The following PAPPA2 variants were observed in gnomAD, a reference collection of about 807,000 sequenced individuals.
The protein encoded by PAPPA2 is pappalysin-2.
PAPPA2 carries 86 observed loss-of-function variants against 176.4 expected under a neutral mutation model. That is an observed-to-expected ratio of 0.49 (90% CI 0.41 to 0.58). PAPPA2 has a LOEUF of 0.58. PAPPA2 is among the 20% of genes least tolerant of loss of function. PAPPA2 has a pLI of 0.00. For missense variants in PAPPA2, 2,073 were observed against 2,256.9 expected, an observed-to-expected ratio of 0.92 and a Z score of 1.65; for synonymous variants, 809 against 852.2, an observed-to-expected ratio of 0.95 and a Z score of 0.88.
rs1441318812 is a variant in PAPPA2, at chr1:176,842,392, G to C, written c.5314G>C (p.Ala1772Pro). 6.2e-7 allele frequency: 1 copy of C among 1,613,078 alleles called. No individual in the cohort carries two copies. Among genetic ancestry groups the C allele is most frequent in the Non-Finnish European group, 8.5e-7 (1 of 1,179,436 alleles). Reference sequence around the variant, plus strand: ...TTCATTCCCCTAGGTCATTCCATTTGCTGCTGACTGTGACCTGGATGAGTG... The same window carrying C: ...TTCATTCCCCTAGGTCATTCCATTTCCTGCTGACTGTGACCTGGATGAGTG... Reference protein sequence around the residue: ...TLSSKKVIPFAADCDLDECTC... With the variant: ...TLSSKKVIPFPADCDLDECTC... Residue 1772 changes from alanine (A) to proline (P), a missense_variant, in exon 23 of 23, where the codon GCT becomes CCT. Physicochemically the swap from Ala to Pro is conservative, Grantham distance 27. Around this residue, in one of 4 missense-constraint regions of PAPPA2, gnomAD observed 27 missense variants for 52.1 expected, o/e 0.52. Coordinates refer to ENST00000367662, the MANE Select transcript of PAPPA2 (RefSeq NM_020318.3).
intron 14 of PAPPA2, among the ~76,000 whole-genome samples, chr1:176,745,530 TG>T (rs1213337358): frequency 1.3e-5 from 2 of 152,158 alleles, no homozygotes; most frequent in South Asian, 4.1e-4. Flanking sequence ...CCATCTTAGT[TG>T]GGATCCAATA....
At chr1:176,816,275 A>G (rs1666397556) in intron 21 of PAPPA2, among the ~76,000 whole-genome samples, 2 of 146,508 alleles carry the variant, frequency 1.4e-5, no homozygotes, top group Non-Finnish European at 3.0e-5. Context: ...GTACACACGT[A>G]TATATAATGC....
chr1:176,773,553 G>C (rs888373815), intron 17 of PAPPA2, among the ~76,000 whole-genome samples: 1 of 152,278 alleles, frequency 6.6e-6, no homozygotes, highest in East Asian at 1.9e-4. Flanking sequence ...TTTGAAACTT[G>C]CTGGGCATGA....
At chr1:176,542,662 G>A (rs1301014274) in intron 1 of PAPPA2, among the ~76,000 whole-genome samples, 2 of 152,170 alleles carry the variant, frequency 1.3e-5, no homozygotes, top group Non-Finnish European at 2.9e-5. Flanking sequence ...TCTGTTGAAT[G>A]GGTAGGAGGA....
intron 21 of PAPPA2, among the ~76,000 whole-genome samples, chr1:176,827,459 TC>T (rs1248936945): frequency 6.6e-6 from 1 of 152,158 alleles, no homozygotes; most frequent in African/African-American, 2.4e-5. Context: ...GGGGTTATTC[TC>T]CCCATTTCTC....
intron 12 of PAPPA2, among the ~76,000 whole-genome samples, chr1:176,730,414 G>A (rs1003566212): frequency 2.6e-5 from 4 of 151,498 alleles, no homozygotes; most frequent in African/African-American, 9.7e-5. Flanking sequence ...TTCATAATGT[G>A]TTTTTATTAT....
intron 3 of PAPPA2, among the ~76,000 whole-genome samples, chr1:176,636,234 A>G (rs544125014): frequency 6.6e-6 from 1 of 152,288 alleles, no homozygotes; most frequent in East Asian, 1.9e-4. Context: ...TAATTATAAG[A>G]TGTTAAGAAG....
At chr1:176,750,998 A>C (rs1663147938) in intron 14 of PAPPA2, among the ~76,000 whole-genome samples, 1 of 151,892 alleles carries the variant, frequency 6.6e-6, no homozygotes, top group South Asian at 2.1e-4. Context: ...TCTTTAATCC[A>C]TCTTGAATTG....
chr1:176,629,788 A>G (rs1044672651), intron 3 of PAPPA2, among the ~76,000 whole-genome samples: 13 of 152,318 alleles, frequency 8.5e-5, no homozygotes, highest in African/African-American at 3.1e-4. Context: ...GACAAACATA[A>G]CTATTTTGTT....
At chr1:176,563,534 T>C (rs969179510) in intron 2 of PAPPA2, among the ~76,000 whole-genome samples, 10 of 152,142 alleles carry the variant, frequency 6.6e-5, no homozygotes, top group African/African-American at 2.2e-4. Flanking sequence ...TTCTCTGTGG[T>C]GGCTTCCCTG....
chr1:176,737,637 C>T, intron 12 of PAPPA2, among the ~76,000 whole-genome samples: 1 of 152,100 alleles, frequency 6.6e-6, no homozygotes, highest in East Asian at 1.9e-4. Context: ...GGTTTTCCTA[C>T]TTAAGCCATG....
At chr1:176,721,104 A>G (rs12143042) in intron 12 of PAPPA2, among the ~76,000 whole-genome samples, 11,227 of 152,232 alleles carry the variant, frequency 0.074, 529 homozygotes, top group Middle Eastern at 0.11. Flanking sequence ...CACACCCAGA[A>G]ATAATGCTTT....
At chr1:176,636,933 G>A (rs1048665752) in intron 3 of PAPPA2, among the ~76,000 whole-genome samples, 1 of 152,058 alleles carries the variant, frequency 6.6e-6, no homozygotes, top group African/African-American at 2.4e-5. Flanking sequence ...CTGAAACAAT[G>A]TAAAATATGA....
At chr1:176,665,324 A>G (rs756950666) in intron 3 of PAPPA2, among the ~76,000 whole-genome samples, 1 of 152,000 alleles carries the variant, frequency 6.6e-6, no homozygotes. Flanking sequence ...GCTATTTACC[A>G]TTGGACACTG....
intron 3 of PAPPA2, among the ~76,000 whole-genome samples, chr1:176,643,184 G>C (rs1657196799): frequency 6.6e-6 from 1 of 151,848 alleles, no homozygotes; most frequent in Non-Finnish European, 1.5e-5. Flanking sequence ...TGCTACAGAT[G>C]AGAAAATTGA....
intron 12 of PAPPA2, among the ~76,000 whole-genome samples, chr1:176,715,385 C>T (rs114715726): frequency 6.6e-6 from 1 of 152,288 alleles, no homozygotes; most frequent in African/African-American, 2.4e-5. Flanking sequence ...CAGCCCCCTT[C>T]TAAAGAACAA....
chr1:176,644,926 A>G (rs1262663372), intron 3 of PAPPA2, among the ~76,000 whole-genome samples: 5 of 151,850 alleles, frequency 3.3e-5, no homozygotes, highest in Non-Finnish European at 2.9e-5. Context: ...GTGCAGCGCC[A>G]CAAGTACTTC....
intron 21 of PAPPA2, among the ~76,000 whole-genome samples, chr1:176,837,657 G>A (rs1461636441): frequency 6.6e-6 from 1 of 152,146 alleles, no homozygotes; most frequent in Non-Finnish European, 1.5e-5. Context: ...ATACATATGG[G>A]TGGTGACGTT....
intron 10 of PAPPA2, among the ~76,000 whole-genome samples, chr1:176,708,826 A>T (rs1571208395): frequency 6.6e-6 from 1 of 152,210 alleles, no homozygotes; most frequent in South Asian, 2.1e-4. Context: ...AGAATTGAAC[A>T]TGAAGAAAAG....
Sources: allele counts gnomAD v4.1 joint callset (sites outside exome capture counted in the v4.1 genomes callset), GRCh38; gene constraint gnomAD v4.1.1; regional missense constraint gnomAD v4.1.1; transcripts MANE v1.5; gene names NCBI Gene and HGNC (gene_info 2026-07-23, HGNC 2026-07-21).